Variants in EPHA3 observed in about 807,000 individuals in gnomAD.
The protein encoded by EPHA3 is EPH receptor A3.
In EPHA3, 42 loss-of-function variants were observed where a neutral mutation model predicts 107.1. The ratio of observed to expected loss-of-function variants is 0.39; its 90% CI spans 0.31 to 0.51. The LOEUF is 0.51. Among genes scored for constraint, EPHA3 ranks in the 20% least tolerant of loss-of-function variants. The probability of loss-of-function intolerance (pLI) is 0.78; values close to 1 mark genes in which losing one functional copy is unlikely to be tolerated. For synonymous variants in EPHA3, 461 were observed against 424.8 expected, an observed-to-expected ratio of 1.09 and a Z score of -1.05; for missense variants, 1,183 against 1,211.2, an observed-to-expected ratio of 0.98 and a Z score of 0.35.
chr3:89,166,945 A>G (rs1224341483), intron 2 of EPHA3, among the ~76,000 whole-genome samples: 1 of 152,184 alleles, frequency 6.6e-6, no homozygotes, highest in African/African-American at 2.4e-5. Flanking sequence ...CTGACAAGTC[A>G]CAGGCAGAAA....
chr3:89,112,770 T>A (rs887838581), intron 1 of EPHA3, among the ~76,000 whole-genome samples: 1 of 152,010 alleles, frequency 6.6e-6, no homozygotes, highest in African/African-American at 2.4e-5. Context: ...AAAAAAAATC[T>A]GTGATCTGGG....
At position 89,210,228 on chromosome 3, in the gene EPHA3, C is replaced by T; in HGVS notation, c.522C>T (p.Val174=). Residue 174 remains valine (V), a synonymous_variant, in exon 3 of 17, where the codon GTC becomes GTT. Coordinates refer to ENST00000336596, the MANE Select transcript of EPHA3 (RefSeq NM_005233.6). ...LNTEIREVGP[V]NKKGFYLAFQ... ...CTGAGATTAGAGAAGTAGGTCCTGT[C>T]AACAAGAAGGGATTTTATTTGGCAT... 3.7e-6 allele frequency: 6 copies of T among 1,614,002 alleles called. No individual in the cohort carries two copies. The highest frequency in any genetic ancestry group is 5.1e-6 in the Non-Finnish European group (6 of 1,179,946).
At chr3:89,151,313 C>T (rs773685563) in intron 2 of EPHA3, among the ~76,000 whole-genome samples, 1 of 152,086 alleles carries the variant, frequency 6.6e-6, no homozygotes, top group Non-Finnish European at 1.5e-5. Context: ...TACCATTATA[C>T]TGGCATTCTA....
intron 3 of EPHA3, among the ~76,000 whole-genome samples, chr3:89,307,062 G>A (rs908035550): frequency 3.3e-5 from 5 of 152,110 alleles, no homozygotes; most frequent in Non-Finnish European, 7.4e-5. Context: ...AATGATATAA[G>A]TTATTACTTT....
At chr3:89,468,752 G>C (rs1710340353) in intron 15 of EPHA3, among the ~76,000 whole-genome samples, 2 of 152,102 alleles carry the variant, frequency 1.3e-5, no homozygotes, top group Admixed American at 6.6e-5. Context: ...TATCCAATGA[G>C]TCTAATGTAA....
At chr3:89,419,116 G>T in intron 10 of EPHA3, 89 bp from the exon 11 acceptor site, 2 of 1,326,208 alleles carry the variant, frequency 1.5e-6, no homozygotes. Flanking sequence ...TATTTTAAAT[G>T]GAAATTTTGA....
intron 3 of EPHA3, among the ~76,000 whole-genome samples, chr3:89,236,166 C>T (rs1704756016): frequency 6.6e-6 from 1 of 152,014 alleles, no homozygotes; most frequent in African/African-American, 2.4e-5. Flanking sequence ...AATGTTTTAA[C>T]TACTTTAGGA....
chr3:89,370,004 A>ATGCTCTCT, intron 5 of EPHA3, among the ~76,000 whole-genome samples: 1 of 150,588 alleles, frequency 6.6e-6, no homozygotes, highest in Non-Finnish European at 1.5e-5. Context: ...AAGTCAGGAA[A>ATGCTCTCT]CAGCAGGTGC....
At chr3:89,248,310 G>A (rs1189338268) in intron 3 of EPHA3, among the ~76,000 whole-genome samples, 1 of 152,092 alleles carries the variant, frequency 6.6e-6, no homozygotes, top group African/African-American at 2.4e-5. Context: ...GCTATCTGCA[G>A]CAAGTGCTCT....
In EPHA3 at chr3:89,254,249, T is replaced by G. The variant is rs182367177; in HGVS notation, c.814+43729T>G. On this transcript the variant is annotated intron_variant, in intron 3 of 16. Coordinates refer to ENST00000336596, the MANE Select transcript of EPHA3 (RefSeq NM_005233.6). ...AATTTGCATTGTTTAGTTAAAAAAT[T>G]TATGTTGGCAGACCTAATACATGCC... Among the ~76,000 whole-genome samples the G allele has an allele frequency of 9.2e-4, 140 of 152,280 alleles. 2 individuals are homozygous for G. Among genetic ancestry groups the G allele is most frequent in the Non-Finnish European group, 1.6e-3 (107 of 68,008 alleles).
chr3:89,182,813 G>C (rs1705473580), intron 2 of EPHA3, among the ~76,000 whole-genome samples: 1 of 151,514 alleles, frequency 6.6e-6, no homozygotes, highest in Non-Finnish European at 1.5e-5. Context: ...TCCTTTGAAA[G>C]AGAACATTAA....
At chr3:89,115,717 A>G (rs1707238803) in intron 1 of EPHA3, among the ~76,000 whole-genome samples, 1 of 152,196 alleles carries the variant, frequency 6.6e-6, no homozygotes, top group South Asian at 2.1e-4. Flanking sequence ...AAGCAGCCCT[A>G]AAATAGGTAA....
chr3:89,402,461 T>C (rs1708982624), intron 7 of EPHA3, among the ~76,000 whole-genome samples: 1 of 152,122 alleles, frequency 6.6e-6, no homozygotes, highest in African/African-American at 2.4e-5. Flanking sequence ...AGATTTTAAA[T>C]ATAAATGAGA....
intron 3 of EPHA3, among the ~76,000 whole-genome samples, chr3:89,332,665 G>T (rs1310076452): frequency 6.6e-6 from 1 of 152,154 alleles, no homozygotes; most frequent in African/African-American, 2.4e-5. Context: ...AACAGTTGCT[G>T]TGACCTTGTA....
At position 89,276,883 on chromosome 3, in the gene EPHA3, G is replaced by A. The variant is rs147317462; in HGVS notation, c.815-64033G>A. Among the ~76,000 whole-genome samples the A allele has an allele frequency of 7.7e-4, 117 of 152,190 alleles. 1 individual carries two copies. Among genetic ancestry groups the A allele is most frequent in the African/African-American group, 2.6e-3 (108 of 41,572 alleles). Reference sequence around the variant, plus strand: ...GCAGTATTCTCTTGAAAAGATCATAGCAACTTTTCTCTTATAGTTTCCAAA... The same window carrying A: ...GCAGTATTCTCTTGAAAAGATCATAACAACTTTTCTCTTATAGTTTCCAAA... On this transcript the variant is annotated intron_variant, in intron 3 of 16. Transcript: ENST00000336596.
intron 3 of EPHA3, among the ~76,000 whole-genome samples, chr3:89,272,365 A>G (rs2107300134): frequency 6.6e-6 from 1 of 151,976 alleles, no homozygotes; most frequent in East Asian, 1.9e-4. Flanking sequence ...TATAAGTCAT[A>G]TAATTTGGCT....
chr3:89,125,379 T>G (rs1043192929), intron 1 of EPHA3, among the ~76,000 whole-genome samples: 5 of 151,794 alleles, frequency 3.3e-5, no homozygotes, highest in Non-Finnish European at 7.4e-5. Context: ...GTTAGTAATA[T>G]CCTTTAATTT....
At chr3:89,165,190 C>A (rs902852452) in intron 2 of EPHA3, among the ~76,000 whole-genome samples, 1 of 152,098 alleles carries the variant, frequency 6.6e-6, no homozygotes, top group African/African-American at 2.4e-5. Flanking sequence ...AACCTCATTT[C>A]TTTTGTAGCT....
chr3:89,134,297 C>T (rs1704266325), intron 2 of EPHA3, among the ~76,000 whole-genome samples: 1 of 151,726 alleles, frequency 6.6e-6, no homozygotes, highest in African/African-American at 2.4e-5. Flanking sequence ...ATACACGTGC[C>T]ATGTTGGTGT....
Sources: allele counts gnomAD v4.1 joint callset (sites outside exome capture counted in the v4.1 genomes callset), GRCh38; gene constraint gnomAD v4.1.1; transcripts MANE v1.5; gene names NCBI Gene and HGNC (gene_info 2026-07-23, HGNC 2026-07-21).